Variants in NALF1 observed in about 807,000 individuals in gnomAD.
NALF1 encodes NALCN channel auxiliary factor 1.
A neutral mutation model predicts 48.4 loss-of-function variants in NALF1; 3 were observed. The observed-to-expected ratio is 0.06, with a 90% CI of 0.03 to 0.16. The LOEUF (loss-of-function observed/expected upper bound fraction) is 0.16. Among genes scored for constraint, NALF1 ranks in the 10% least tolerant of loss-of-function variants. The pLI, the probability that NALF1 is intolerant of heterozygous loss-of-function variation, is 1.00. For missense variants in NALF1, 526 were observed against 571.5 expected, an observed-to-expected ratio of 0.92 and a Z score of 0.81; for synonymous variants, 262 against 245.7, an observed-to-expected ratio of 1.07 and a Z score of -0.62.
rs776769017 is a variant in NALF1 at position 107,348,575 on chromosome 13, G to T, written c.916-137820C>A. ...CTCCATATGCATTAGGTTTTTGTCC[G>T]AATGCTCTCCCTCCCCTTACCTCCC... On this transcript the variant is annotated intron_variant, in intron 1 of 2. Coordinates refer to ENST00000375915, the MANE Select transcript of NALF1 (RefSeq NM_001080396.3). 2.0e-5 allele frequency among the ~76,000 whole-genome samples: 3 copies of T among 152,066 alleles called. No individual in the cohort carries two copies. In the South Asian group the frequency reaches 6.2e-4, roughly 32 times the overall value.
At chr13:107,620,669 T>G (rs1248224123) in intron 1 of NALF1, among the ~76,000 whole-genome samples, 2 of 152,198 alleles carry the variant, frequency 1.3e-5, no homozygotes, top group Admixed American at 1.3e-4. Flanking sequence ...CCACTGTGCA[T>G]GTTTAGTATA....
rs1249615392 is a variant in NALF1 at position 107,408,416 on chromosome 13, C to T, written c.916-197661G>A. On this transcript the variant is annotated intron_variant, in intron 1 of 2. Transcript: ENST00000375915. The stretch of plus-strand genomic sequence containing the variant: ...CATAAATATATACACCTACTATATA[C>T]CCACAATTTTTTTTTAATTATCCTG... Among the ~76,000 whole-genome samples the T allele has an allele frequency of 2.0e-5, 3 of 151,784 alleles. No individual in the cohort carries two copies. In the East Asian group the frequency reaches 5.8e-4, roughly 29 times the overall value.
At chr13:107,648,147 C>T (rs765686365) in intron 1 of NALF1, among the ~76,000 whole-genome samples, 7 of 152,146 alleles carry the variant, frequency 4.6e-5, no homozygotes, top group Non-Finnish European at 1.0e-4. Context: ...CATCTCACTA[C>T]ATTTGTTACA....
At chr13:107,585,926 A>G (rs1878441774) in intron 1 of NALF1, among the ~76,000 whole-genome samples, 1 of 152,146 alleles carries the variant, frequency 6.6e-6, no homozygotes. Context: ...TTTTGACCAT[A>G]TGTTTAGCAC....
At chr13:107,372,179 T>G (rs920489685) in intron 1 of NALF1, among the ~76,000 whole-genome samples, 5 of 152,244 alleles carry the variant, frequency 3.3e-5, no homozygotes, top group Admixed American at 6.5e-5. Context: ...TTCTTTCGTC[T>G]TTCAGACTCA....
intron 1 of NALF1, among the ~76,000 whole-genome samples, chr13:107,634,832 T>C (rs1924432): frequency 0.59 from 90,017 of 151,914 alleles, 28,659 homozygotes; most frequent in East Asian, 0.99. Flanking sequence ...TATAGCACTC[T>C]ACAGAGAGCA....
chr13:107,596,907 T>C (rs1341133624), intron 1 of NALF1, among the ~76,000 whole-genome samples: 1 of 152,196 alleles, frequency 6.6e-6, no homozygotes, highest in African/African-American at 2.4e-5. Context: ...TTATACTTAT[T>C]TAGAGAAAGA....
At chr13:107,611,754 T>TA (rs1038383419) in intron 1 of NALF1, among the ~76,000 whole-genome samples, 11 of 149,624 alleles carry the variant, frequency 7.4e-5, no homozygotes, top group East Asian at 2.0e-4. Context: ...AAGAGAGAGA[T>TA]AAAAAAAGAG....
chr13:107,491,585 C>T (rs927609667), intron 1 of NALF1, among the ~76,000 whole-genome samples: 2 of 152,088 alleles, frequency 1.3e-5, no homozygotes, highest in Admixed American at 6.6e-5. Context: ...GATACAACTA[C>T]GGAAGCAGAA....
intron 1 of NALF1, among the ~76,000 whole-genome samples, chr13:107,645,680 CAAAAAAAAAAAAA>C (rs56187783): frequency 2.2e-4 from 29 of 132,504 alleles, no homozygotes; most frequent in African/African-American, 7.0e-4. Flanking sequence ...TACTGGGAGA[CAAAAAAAAAAAAA>C]AAAAAAAAAA....
At chr13:107,256,913 T>G (rs1022871009) in intron 1 of NALF1, among the ~76,000 whole-genome samples, 51 of 152,206 alleles carry the variant, frequency 3.4e-4, no homozygotes, top group African/African-American at 1.2e-3. Context: ...CATCTAAGTC[T>G]GTTGTTGTAT....
At chr13:107,549,007 TGACTATA>T (rs1315774349) in intron 1 of NALF1, among the ~76,000 whole-genome samples, 1 of 152,138 alleles carries the variant, frequency 6.6e-6, no homozygotes, top group Non-Finnish European at 1.5e-5. Flanking sequence ...ATTAACATAT[TGACTATA>T]GATGTGTAAT....
intron 1 of NALF1, among the ~76,000 whole-genome samples, chr13:107,280,454 C>A (rs537023580): frequency 1.3e-5 from 2 of 152,314 alleles, no homozygotes; most frequent in African/African-American, 4.8e-5. Context: ...AGGTTTTCAT[C>A]AAACACTCAA....
intron 1 of NALF1, among the ~76,000 whole-genome samples, chr13:107,816,433 A>C (rs1879165207): frequency 6.6e-6 from 1 of 152,194 alleles, no homozygotes; most frequent in East Asian, 1.9e-4. Context: ...AATGAGAGAG[A>C]ATGAGGAAAA....
At chr13:107,272,149 G>A (rs1231784211) in intron 1 of NALF1, among the ~76,000 whole-genome samples, 4 of 150,756 alleles carry the variant, frequency 2.7e-5, no homozygotes, top group African/African-American at 7.4e-5. Context: ...ACACTGGTAC[G>A]TATATAAAAT....
intron 1 of NALF1, among the ~76,000 whole-genome samples, chr13:107,563,885 T>C (rs1399548954): frequency 3.3e-5 from 5 of 152,248 alleles, no homozygotes; most frequent in Non-Finnish European, 7.3e-5. Context: ...TAATCCACTA[T>C]GAATATGTCA....
At chr13:107,803,300 C>T (rs1239384762) in intron 1 of NALF1, among the ~76,000 whole-genome samples, 1 of 152,042 alleles carries the variant, frequency 6.6e-6, no homozygotes, top group African/African-American at 2.4e-5. Flanking sequence ...AATTTAATGA[C>T]ATTATATTTC....
At chr13:107,532,260 C>T (rs544232103) in intron 1 of NALF1, among the ~76,000 whole-genome samples, 1 of 151,236 alleles carries the variant, frequency 6.6e-6, no homozygotes, top group South Asian at 2.1e-4. Flanking sequence ...TCTTTGAAAT[C>T]TTATGGATTC....
At chr13:107,218,915 C>T (rs1331763823) in intron 1 of NALF1, among the ~76,000 whole-genome samples, 2 of 152,224 alleles carry the variant, frequency 1.3e-5, no homozygotes, top group Non-Finnish European at 2.9e-5. Context: ...AGAGGTTATA[C>T]TAATTCATAC....
Sources: gnomAD v4.1 joint callset for allele counts (sites outside exome capture counted in the v4.1 genomes callset) on GRCh38, gnomAD v4.1.1 for gene constraint, MANE v1.5 for transcripts, NCBI Gene and HGNC (gene_info 2026-07-23, HGNC 2026-07-21) for gene names.